Variants in INTS6 observed in about 807,000 individuals in gnomAD.
The protein encoded by INTS6 is integrator complex subunit 6, also known as DEAD box protein.
A neutral mutation model predicts 104.9 loss-of-function variants in INTS6; 16 were observed. The ratio of observed to expected loss-of-function variants is 0.15; its 90% CI spans 0.10 to 0.23. The LOEUF is 0.23. INTS6 is among the 10% of genes least tolerant of loss of function. INTS6 has a pLI of 1.00. For missense variants in INTS6, 584 were observed against 1,062.8 expected (o/e 0.55, Z 6.26); for synonymous variants, 324 against 358.7 (o/e 0.90, Z 1.09).
chr13:51,367,720 G>A, intron 17 of INTS6, 85 bp downstream of exon 17: 1 of 708,362 alleles, frequency 1.4e-6, no homozygotes, highest in Non-Finnish European at 2.4e-6. Flanking sequence ...CAATACAAGT[G>A]CAAAACGGAT....
Position 51,387,530 on chromosome 13 carries a change from T to C in INTS6, c.750A>G (p.Pro250=). 1 of 1,607,902 alleles carries C rather than the reference T, an allele frequency of 6.2e-7. No individual in the cohort carries two copies. Among genetic ancestry groups the C allele is most frequent in the South Asian group, 1.1e-5 (1 of 90,130 alleles). The change falls in exon 7 of 18, where the codon CCA becomes CCG. Residue 250 remains proline (P), a synonymous_variant. Transcript: ENST00000311234. The stretch of plus-strand genomic sequence containing the variant: ...GAGATCCAAAAGGCCTTGATATATC[T>C]GGCTGCCCATCTATAGCAAAGAAAT... ...PDPSPVEDGQ[P]DISRPFGSQP...
chr13:51,340,747 T>G, the INTS6 span: 1 of 337,256 alleles, frequency 3.0e-6, no homozygotes, highest in East Asian at 6.0e-5. Flanking sequence ...CTTACATTTC[T>G]TTTCCCAACA....
At position 51,362,372 on chromosome 13, in the gene INTS6, T is replaced by G; in HGVS notation, c.*3380A>C. The G allele has an allele frequency of 5.8e-6, 1 of 170,958 alleles. No homozygotes were observed. The highest frequency in any genetic ancestry group is 1.2e-5 in the Non-Finnish European group (1 of 81,662). 10.6% of individuals were successfully genotyped at this position (170,958 alleles called of 1,614,324 possible). ...GTTGATCTTTCTCAAAAATCAAATG[T>G]TTGCCCTAGTACTTTTAAGTCCTAC... On this transcript the variant is annotated 3_prime_UTR_variant, in exon 18 of 18. Transcript: ENST00000311234.
Position 51,452,716 on chromosome 13 carries a change from C to T in INTS6, c.-191G>A. ...GATAGTTGAGAGGAAACTCCCCAGA[C>T]CCAGTGCTCCCCGTCGTACCCCCGC... On this transcript the variant is annotated 5_prime_UTR_variant, in exon 1 of 18. Coordinates refer to ENST00000311234, the MANE Select transcript of INTS6 (RefSeq NM_012141.3). This position sits in a 1 kb window ranked among gnomAD's most constrained non-coding sequence, Gnocchi z 4.2. 1 of 1,295,928 alleles carries T rather than the reference C, an allele frequency of 7.7e-7. No homozygotes were observed. Among genetic ancestry groups the T allele is most frequent in the South Asian group, 1.7e-5 (1 of 58,308 alleles). 80.3% of individuals were successfully genotyped at this position (1,295,928 alleles called of 1,614,324 possible). A position where few individuals can be genotyped will look rare whatever the true frequency, so the allele number is the denominator to read the frequency against.
chr13:51,380,007 T>C (rs1302704755), intron 10 of INTS6, among the ~76,000 whole-genome samples: 1 of 151,988 alleles, frequency 6.6e-6, no homozygotes, highest in African/African-American at 2.4e-5. Context: ...ATAAATAAGC[T>C]CTCTGGCTCT....
At chr13:51,345,592 C>CAAA in the INTS6 span, among the ~76,000 whole-genome samples, 155 of 36,636 alleles carry the variant, frequency 4.2e-3, 1 homozygote, top group Non-Finnish European at 5.0e-3. Context: ...GATTTCATCT[C>CAAA]AAAAAAAAAA....
the INTS6 span, chr13:51,344,330 C>T: frequency 6.2e-7 from 1 of 1,613,946 alleles, no homozygotes; most frequent in Admixed American, 1.7e-5. Context: ...ATGGAGCTGG[C>T]CTGCAGCCTT....
chr13:51,446,144 G>T (rs1952912011), intron 3 of INTS6: 2 of 152,096 alleles, frequency 1.3e-5, no homozygotes, highest in African/African-American at 4.8e-5. Flanking sequence ...TACATAATGG[G>T]AGAAAATATT....
the INTS6 span, among the ~76,000 whole-genome samples, chr13:51,339,064 T>C: frequency 6.6e-6 from 1 of 152,246 alleles, no homozygotes; most frequent in South Asian, 2.1e-4. Context: ...GTTGACAACA[T>C]GGTCTCTTTC....
At chr13:51,416,245 A>G (rs927105756) in intron 4 of INTS6, among the ~76,000 whole-genome samples, 4 of 152,214 alleles carry the variant, frequency 2.6e-5, no homozygotes, top group African/African-American at 9.7e-5. Context: ...TGGGTGTATG[A>G]GAGTAAAGAT....
the INTS6 span, among the ~76,000 whole-genome samples, chr13:51,348,848 G>GTCCCCCCATGAC: frequency 9.3e-5 from 14 of 150,372 alleles, no homozygotes; most frequent in East Asian, 2.0e-4. Context: ...ACGTAATTGA[G>GTCCCCCCATGAC]CAAGTACAGA....
At chr13:51,336,234 T>G in the INTS6 span, among the ~76,000 whole-genome samples, 1 of 152,186 alleles carries the variant, frequency 6.6e-6, no homozygotes, top group Admixed American at 6.5e-5. Context: ...ACGCTTGTAA[T>G]CCCAGCACTT....
rs138516409 is a variant in INTS6 at position 51,420,204 on chromosome 13, AAT to A, written c.429+10088_429+10089del. On this transcript the variant is annotated intron_variant, in intron 4 of 17. Coordinates refer to ENST00000311234, the MANE Select transcript of INTS6 (RefSeq NM_012141.3). The stretch of plus-strand genomic sequence containing the variant: ...TCTCATCTTTTTAAAGTTCTATTTT[AAT>A]ATATGTTTTTAACATAATAATATTA... Among the ~76,000 whole-genome samples the A allele has an allele frequency of 5.2e-3, 788 of 151,288 alleles. 2 individuals carry two copies. Among genetic ancestry groups the A allele is most frequent in the African/African-American group, 0.018 (734 of 41,024 alleles).
At chr13:51,360,586 C>T (rs1955557675), downstream of INTS6, among the ~76,000 whole-genome samples, 1 of 152,038 alleles carries the variant, frequency 6.6e-6, no homozygotes, top group South Asian at 2.1e-4. Context: ...GTCCTATTTG[C>T]TAAACTTATA....
intron 4 of INTS6, among the ~76,000 whole-genome samples, chr13:51,420,279 C>T (rs1007631806): frequency 2.0e-5 from 3 of 148,718 alleles, no homozygotes; most frequent in African/African-American, 7.4e-5. Context: ...TGTGCATACA[C>T]TGGGAATGGT....
chr13:51,443,955 A>G (rs888113311), intron 3 of INTS6: 1 of 152,208 alleles, frequency 6.6e-6, no homozygotes, highest in Non-Finnish European at 1.5e-5. Context: ...ATGATGTCAA[A>G]TATTAGATTT....
chr13:51,409,442 G>C (rs1213700406), intron 4 of INTS6, among the ~76,000 whole-genome samples: 1 of 151,720 alleles, frequency 6.6e-6, no homozygotes, highest in Non-Finnish European at 1.5e-5. Flanking sequence ...TGTTGGCTTT[G>C]GACAGATATT....
intron 15 of INTS6, among the ~76,000 whole-genome samples, chr13:51,372,079 C>T (rs902099085): frequency 2.6e-5 from 4 of 152,168 alleles, no homozygotes; most frequent in Non-Finnish European, 5.9e-5. Context: ...AGAAAAATCA[C>T]CATTTTCAAA....
chr13:51,419,730 C>T, intron 4 of INTS6, among the ~76,000 whole-genome samples: 1 of 152,190 alleles, frequency 6.6e-6, no homozygotes, highest in Admixed American at 6.5e-5. Flanking sequence ...CATCTGTTCA[C>T]TTTAACTGAA....
Sources: gnomAD v4.1 joint callset for allele counts (sites outside exome capture counted in the v4.1 genomes callset) on GRCh38, gnomAD v4.1.1 for gene constraint, Gnocchi (gnomAD v3.1) non-coding constraint, MANE v1.5 for transcripts, NCBI Gene and HGNC (gene_info 2026-07-23, HGNC 2026-07-21) for gene names.